Variants in WDR27 observed in about 807,000 individuals in gnomAD.
WDR27 encodes WD repeat domain 27.
Under a neutral mutation model 114.4 loss-of-function variants are expected in WDR27, and 100 were observed. That is an observed-to-expected ratio of 0.87 (90% CI 0.74 to 1.03). The LOEUF (loss-of-function observed/expected upper bound fraction) is 1.03. Ranked by LOEUF, WDR27 falls within the 50% of genes least tolerant of loss-of-function variation. The pLI is 0.00. For synonymous variants in WDR27, 449 were observed against 423.1 expected (o/e 1.06, Z -0.75); for missense variants, 1,129 against 1,092.9 (o/e 1.03, Z -0.47).
the WDR27 span, among the ~76,000 whole-genome samples, chr6:169,428,703 G>C: frequency 6.6e-6 from 1 of 152,200 alleles, no homozygotes; most frequent in Non-Finnish European, 1.5e-5. Flanking sequence ...GCAGTGAAGT[G>C]CCTGCTGTGC....
At chr6:169,637,057 G>T (rs1380975213) in intron 18 of WDR27, among the ~76,000 whole-genome samples, 1 of 152,110 alleles carries the variant, frequency 6.6e-6, no homozygotes, top group African/African-American at 2.4e-5. Context: ...TTGAAAATTG[G>T]ACTGCTTTTT....
In WDR27 at chr6:169,542,948, G is replaced by C. The variant is rs6912469; in HGVS notation, c.2645+29471C>G. Among the ~76,000 whole-genome samples the C allele has an allele frequency of 3.4e-3, 514 of 152,026 alleles. 5 individuals are homozygous for C. Among genetic ancestry groups the C allele is most frequent in the African/African-American group, 0.012 (496 of 41,526 alleles). ...AGATAAAAGTTATTATTGAGAAAAC[G>C]TATCTTTTGTACTATGGCTTCAAAA... On this transcript the variant is annotated intron_variant, in intron 25 of 25. Coordinates refer to ENST00000448612, the MANE Select transcript of WDR27 (RefSeq NM_182552.5).
the WDR27 span, among the ~76,000 whole-genome samples, chr6:169,451,614 C>T: frequency 1.3e-5 from 2 of 152,182 alleles, no homozygotes; most frequent in African/African-American, 4.8e-5. Context: ...GAACATATTT[C>T]CAAACTATAC....
rs1426297511 is a variant in WDR27, at chr6:169,458,120, T to C, written c.2646-486A>G. On this transcript the variant is annotated intron_variant, in intron 25 of 25. Coordinates refer to ENST00000448612, the MANE Select transcript of WDR27 (RefSeq NM_182552.5). Reference sequence around the variant, plus strand: ...TGGAGTCTGTTGAAGGCTTGCAACTTCCAGAGGAAGACTTGAACTATAAAC... The same window carrying C: ...TGGAGTCTGTTGAAGGCTTGCAACTCCCAGAGGAAGACTTGAACTATAAAC... Among the ~76,000 whole-genome samples the C allele has an allele frequency of 6.6e-5, 10 of 152,292 alleles. No homozygotes were observed. In the East Asian group the frequency reaches 1.9e-3, roughly 29 times the overall value.
At chr6:169,543,580 C>T (rs1797088030) in intron 25 of WDR27, among the ~76,000 whole-genome samples, 1 of 151,978 alleles carries the variant, frequency 6.6e-6, no homozygotes, top group African/African-American at 2.4e-5. Flanking sequence ...TTTTCCTAAA[C>T]AAAAACAAAT....
chr6:169,448,397 T>TGTGTGTGG, the WDR27 span, among the ~76,000 whole-genome samples: 47 of 123,220 alleles, frequency 3.8e-4, no homozygotes, highest in South Asian at 1.4e-3. Flanking sequence ...TCTCTATGTG[T>TGTGTGTGG]GTGTGTGTGT....
intron 16 of WDR27, among the ~76,000 whole-genome samples, chr6:169,646,202 G>C (rs905833992): frequency 6.6e-6 from 1 of 152,202 alleles, no homozygotes; most frequent in African/African-American, 2.4e-5. Context: ...CTTGTAAGGC[G>C]CTGCCTTTGT....
chr6:169,658,466 GC>G (rs1214918246), intron 12 of WDR27, 108 bp from the exon 13 acceptor site: 2 of 798,170 alleles, frequency 2.5e-6, no homozygotes, highest in Non-Finnish European at 4.2e-6. Context: ...GATTCCTGCA[GC>G]TGTGGACATA....
chr6:169,482,163 G>A (rs1270623530), intron 25 of WDR27, among the ~76,000 whole-genome samples: 1 of 152,186 alleles, frequency 6.6e-6, no homozygotes, highest in African/African-American at 2.4e-5. Context: ...ATTCTATGGT[G>A]TATATGTACC....
intron 25 of WDR27, among the ~76,000 whole-genome samples, chr6:169,482,503 T>G (rs1788311847): frequency 6.6e-6 from 1 of 152,210 alleles, no homozygotes; most frequent in African/African-American, 2.4e-5. Flanking sequence ...GATTTGCATT[T>G]CTCTTATAAT....
chr6:169,475,765 C>T (rs962019096), intron 25 of WDR27, among the ~76,000 whole-genome samples: 2 of 152,266 alleles, frequency 1.3e-5, no homozygotes, highest in Non-Finnish European at 2.9e-5. Context: ...ATTCTTCTGG[C>T]TTAATTGCAG....
At chr6:169,544,617 T>C (rs1348312538) in intron 25 of WDR27, among the ~76,000 whole-genome samples, 3 of 152,104 alleles carry the variant, frequency 2.0e-5, no homozygotes, top group Admixed American at 1.3e-4. Context: ...GTATTTTTAT[T>C]AGAGTTGGGG....
At chr6:169,584,182 T>G (rs192918762) in intron 23 of WDR27, among the ~76,000 whole-genome samples, 24 of 152,354 alleles carry the variant, frequency 1.6e-4, no homozygotes, top group African/African-American at 5.8e-4. Context: ...TTTTTCTTTT[T>G]GTGTCTGGTT....
intron 1 of WDR27, among the ~76,000 whole-genome samples, chr6:169,699,592 C>G (rs1346866585): frequency 6.6e-6 from 1 of 152,130 alleles, no homozygotes; most frequent in Non-Finnish European, 1.5e-5. Flanking sequence ...CACTGCCATG[C>G]TCCAGGAGTG....
chr6:169,555,456 C>T (rs1339980600), intron 25 of WDR27, among the ~76,000 whole-genome samples: 1 of 151,974 alleles, frequency 6.6e-6, no homozygotes, highest in Admixed American at 6.6e-5. Flanking sequence ...CGAGCTCAGC[C>T]TTGTTAGGAC....
At chr6:169,427,431 G>C in the WDR27 span, among the ~76,000 whole-genome samples, 2 of 120,154 alleles carry the variant, frequency 1.7e-5, no homozygotes, top group Admixed American at 7.6e-5. Context: ...TCAGCGCCTA[G>C]GACCGTGGGC....
intron 25 of WDR27, among the ~76,000 whole-genome samples, chr6:169,522,131 G>T (rs1435289477): frequency 6.6e-6 from 1 of 151,964 alleles, no homozygotes; most frequent in Non-Finnish European, 1.5e-5. Context: ...AAGTGAAGGG[G>T]TGGAAAAAGA....
At chr6:169,680,659 G>C (rs920191333) in intron 2 of WDR27, among the ~76,000 whole-genome samples, 4 of 152,100 alleles carry the variant, frequency 2.6e-5, no homozygotes, top group Non-Finnish European at 5.9e-5. Flanking sequence ...AAGTAATAAT[G>C]GATTGTCAGG....
At chr6:169,429,480 CTT>C in the WDR27 span, among the ~76,000 whole-genome samples, 10 of 146,802 alleles carry the variant, frequency 6.8e-5, no homozygotes, top group Admixed American at 5.5e-4. Context: ...CATTGAAAGA[CTT>C]TTAAAATTTT....
Sources: allele counts gnomAD v4.1 joint callset (sites outside exome capture counted in the v4.1 genomes callset), GRCh38; gene constraint gnomAD v4.1.1; transcripts MANE v1.5; gene names NCBI Gene and HGNC (gene_info 2026-07-23, HGNC 2026-07-21).